Variants in METTL24 observed in about 807,000 individuals in gnomAD.
METTL24 encodes probable methyltransferase-like protein 24.
In METTL24, 29 loss-of-function variants were observed where a neutral mutation model predicts 32.7. The observed-to-expected ratio is 0.89, with a 90% confidence interval of 0.66 to 1.21. The LOEUF (loss-of-function observed/expected upper bound fraction) is 1.21, where lower values mean the gene tolerates loss of function less well. Ranked by LOEUF, METTL24 falls within the 50% of genes most tolerant of loss-of-function variation. The pLI, the probability that METTL24 is intolerant of heterozygous loss-of-function variation, is 0.00. For missense variants in METTL24, 439 were observed against 468.1 expected, an observed-to-expected ratio of 0.94 and a Z score of 0.57; for synonymous variants, 163 against 179.5, an observed-to-expected ratio of 0.91 and a Z score of 0.73.
chr6:110,283,681 A>C (rs7770706), intron 4 of METTL24, among the ~76,000 whole-genome samples: 22 of 152,106 alleles, frequency 1.4e-4, no homozygotes, highest in Non-Finnish European at 2.4e-4. Context: ...ATAGCACTCA[A>C]CATACTTCTG....
intron 3 of METTL24, among the ~76,000 whole-genome samples, chr6:110,302,550 TATGTGTATATATACACAC>T (rs1771544069): frequency 9.2e-6 from 1 of 108,456 alleles, no homozygotes; most frequent in Non-Finnish European, 1.7e-5. Flanking sequence ...TACACACACA[TATGTGTATATATACACAC>T]ATACACACAC....
chr6:110,310,539 C>T (rs1771703800), intron 3 of METTL24, among the ~76,000 whole-genome samples: 1 of 152,146 alleles, frequency 6.6e-6, no homozygotes, highest in African/African-American at 2.4e-5. Flanking sequence ...CACAGCCTCT[C>T]CTTTTTTCTC....
chr6:110,285,470 T>C (rs1160069218), intron 4 of METTL24, among the ~76,000 whole-genome samples: 1 of 152,160 alleles, frequency 6.6e-6, no homozygotes, highest in Non-Finnish European at 1.5e-5. Flanking sequence ...GTGTGTCTGT[T>C]ATGCTTGGGT....
At chr6:110,258,821 CA>C (rs1252293736) in intron 4 of METTL24, among the ~76,000 whole-genome samples, 3 of 146,292 alleles carry the variant, frequency 2.1e-5, no homozygotes, top group Admixed American at 2.0e-4. Flanking sequence ...CACACACACA[CA>C]ACAAAACAAA....
At chr6:110,311,464 C>CTTTTTTTTTTTTTT (rs1344647082) in intron 3 of METTL24, among the ~76,000 whole-genome samples, 2 of 123,712 alleles carry the variant, frequency 1.6e-5, no homozygotes, top group Non-Finnish European at 1.6e-5. Context: ...TCTTTTCTTT[C>CTTTTTTTTTTTTTT]TTTGTTTTTT....
At chr6:110,323,844 A>C (rs1771973447) in intron 1 of METTL24, among the ~76,000 whole-genome samples, 1 of 152,070 alleles carries the variant, frequency 6.6e-6, no homozygotes, top group African/African-American at 2.4e-5. Context: ...CCTGCAGTGT[A>C]GTGAGAATGG....
At chr6:110,332,046 C>T (rs1772119280) in intron 1 of METTL24, among the ~76,000 whole-genome samples, 1 of 152,156 alleles carries the variant, frequency 6.6e-6, no homozygotes, top group Non-Finnish European at 1.5e-5. Flanking sequence ...AAATCCAGAG[C>T]GCCAATCTGC....
chr6:110,348,832 C>CCAG (rs1352760867), intron 1 of METTL24, among the ~76,000 whole-genome samples: 1 of 152,222 alleles, frequency 6.6e-6, no homozygotes, highest in Non-Finnish European at 1.5e-5. Flanking sequence ...GAGAAAAAGA[C>CCAG]CAGCAGACCA....
intron 4 of METTL24, among the ~76,000 whole-genome samples, chr6:110,289,952 G>T (rs565329419): frequency 4.1e-5 from 6 of 146,536 alleles, no homozygotes; most frequent in African/African-American, 1.7e-4. Context: ...TAAGGATATT[G>T]GTCAATTACT....
chr6:110,328,757 AC>A (rs1193660988), intron 1 of METTL24, among the ~76,000 whole-genome samples: 1 of 152,216 alleles, frequency 6.6e-6, no homozygotes. Context: ...TTAATTCAAG[AC>A]CATGTAGCAT....
chr6:110,341,186 T>G (rs1030529963), intron 1 of METTL24, among the ~76,000 whole-genome samples: 11 of 152,218 alleles, frequency 7.2e-5, no homozygotes, highest in Admixed American at 2.6e-4. Flanking sequence ...GTGTCTTGTC[T>G]CAACACATGA....
chr6:110,277,196 T>G (rs1771062766), intron 4 of METTL24, among the ~76,000 whole-genome samples: 1 of 152,198 alleles, frequency 6.6e-6, no homozygotes. Flanking sequence ...ATGTCCCTGC[T>G]CTTCCCTCGC....
At chr6:110,286,943 C>A (rs1210642099) in intron 4 of METTL24, among the ~76,000 whole-genome samples, 1 of 152,202 alleles carries the variant, frequency 6.6e-6, no homozygotes, top group Non-Finnish European at 1.5e-5. Context: ...TGCTCCTCAG[C>A]CTGCAGATGG....
chr6:110,324,147 G>A (rs1771979550), intron 1 of METTL24, among the ~76,000 whole-genome samples: 1 of 152,218 alleles, frequency 6.6e-6, no homozygotes, highest in African/African-American at 2.4e-5. Context: ...GTTTGGGGAA[G>A]AGGAATCCAT....
At chr6:110,305,866 C>A (rs1312309228) in intron 3 of METTL24, among the ~76,000 whole-genome samples, 3 of 152,162 alleles carry the variant, frequency 2.0e-5, no homozygotes, top group African/African-American at 7.2e-5. Flanking sequence ...ACTATAAAGG[C>A]ACATGCACAC....
intron 4 of METTL24, among the ~76,000 whole-genome samples, chr6:110,252,914 TCA>T (rs1209980308): frequency 6.6e-6 from 1 of 152,186 alleles, no homozygotes; most frequent in Non-Finnish European, 1.5e-5. Context: ...TTAAAATTCT[TCA>T]CTAGTTTTGA....
At chr6:110,247,917 T>C (rs917125485) in intron 4 of METTL24, among the ~76,000 whole-genome samples, 3 of 152,156 alleles carry the variant, frequency 2.0e-5, no homozygotes, top group African/African-American at 7.2e-5. Flanking sequence ...TGAAATATGA[T>C]ACTCAATGTT....
At chr6:110,346,026 G>A (rs1772465866) in intron 1 of METTL24, among the ~76,000 whole-genome samples, 2 of 152,138 alleles carry the variant, frequency 1.3e-5, no homozygotes, top group Admixed American at 1.3e-4. Context: ...TTAGCTTATG[G>A]GCCATACATA....
intron 1 of METTL24, among the ~76,000 whole-genome samples, chr6:110,353,120 A>G (rs1772640739): frequency 6.6e-6 from 1 of 152,248 alleles, no homozygotes; most frequent in Non-Finnish European, 1.5e-5. Flanking sequence ...TCAAAGTTGT[A>G]ATAAAAACCT....
Sources: gnomAD v4.1 joint callset for allele counts (sites outside exome capture counted in the v4.1 genomes callset) on GRCh38, gnomAD v4.1.1 for gene constraint, MANE v1.5 for transcripts, NCBI Gene and HGNC (gene_info 2026-07-23, HGNC 2026-07-21) for gene names.